The following BCO1 variants were observed in gnomAD, a reference collection of about 807,000 sequenced individuals.
The protein encoded by BCO1 is beta,beta-carotene 15,15'-dioxygenase.
Under a neutral mutation model 56.3 loss-of-function variants are expected in BCO1, and 54 were observed. The ratio of observed to expected loss-of-function variants is 0.96; its 90% CI spans 0.77 to 1.20. The LOEUF (loss-of-function observed/expected upper bound fraction) is 1.20, where lower values mean the gene tolerates loss of function less well. Ranked by LOEUF, BCO1 falls within the 50% of genes most tolerant of loss-of-function variation. The probability of loss-of-function intolerance (pLI) is 0.00; values close to 1 mark genes in which losing one functional copy is unlikely to be tolerated. For missense variants in BCO1, 801 were observed against 690.9 expected (o/e 1.16, Z -1.79); for synonymous variants, 318 against 266.1 (o/e 1.20, Z -1.90).
chr16:81,255,883 T>C (rs547396775), intron 2 of BCO1, among the ~76,000 whole-genome samples: 14 of 152,038 alleles, frequency 9.2e-5, no homozygotes, highest in African/African-American at 3.4e-4. Context: ...TGGACTTCAG[T>C]GGCACGATTT....
chr16:81,276,395 G>C (rs1239112363), intron 7 of BCO1, among the ~76,000 whole-genome samples: 2 of 152,166 alleles, frequency 1.3e-5, no homozygotes, highest in Non-Finnish European at 2.9e-5. Context: ...AGCTCCTGAA[G>C]GGCCCAGCCT....
intron 2 of BCO1, 53 bp downstream of exon 2, chr16:81,245,656 C>T: frequency 6.2e-7 from 1 of 1,610,986 alleles, no homozygotes; most frequent in Non-Finnish European, 8.5e-7. Flanking sequence ...ACCCCAAATG[C>T]AGTGCCTTAA....
rs755481903 is a variant in BCO1 at position 81,264,756 on chromosome 16, T to G, written c.588T>G (p.Tyr196Ter). ...TSIVEKGKTK[Y>*]VIFKIPATVP... ...TTGTGGAAAAGGGGAAGACAAAGTATGTGATTTTTAAGATCCCTGCCACAG... is the reference window on the plus strand; with the variant it reads ...TTGTGGAAAAGGGGAAGACAAAGTAGGTGATTTTTAAGATCCCTGCCACAG... The change falls in exon 5 of 11, where the codon TAT becomes TAG. Residue 196 changes from tyrosine to a stop codon, truncating the protein, a stop_gained. Transcript: ENST00000258168. LOFTEE classifies it high-confidence loss of function. 2 of 1,614,058 alleles carry G rather than the reference T, an allele frequency of 1.2e-6. No homozygotes were observed. Among genetic ancestry groups the G allele is most frequent in the African/African-American group, 2.7e-5 (2 of 74,920 alleles).
intron 8 of BCO1, among the ~76,000 whole-genome samples, chr16:81,284,141 T>G (rs1481753272): frequency 6.6e-6 from 1 of 151,322 alleles, no homozygotes; most frequent in African/African-American, 2.4e-5. Context: ...TGCAGTGAGT[T>G]GAGATTGAGC....
rs1904976171 is a variant in BCO1 at position 81,238,830 on chromosome 16, A to G, written c.-79A>G. On this transcript the variant is annotated 5_prime_UTR_variant, in exon 1 of 11. Transcript: ENST00000258168. ...CAGGAGAGCAGGAAGGAAACGCAGGAGGAGGGAGCAGCATCTCCTGTGAAC... is the reference window on the plus strand; with the variant it reads ...CAGGAGAGCAGGAAGGAAACGCAGGGGGAGGGAGCAGCATCTCCTGTGAAC... 21 of 1,229,454 alleles carry G rather than the reference A, an allele frequency of 1.7e-5. No individual in the cohort carries two copies. Among genetic ancestry groups the G allele is most frequent in the Non-Finnish European group, 2.2e-5 (18 of 830,112 alleles). The allele number at this position is 1,229,454 out of a possible 1,614,324, so 76.2% of individuals were successfully genotyped here.
At position 81,238,951 on chromosome 16, in the gene BCO1, C is replaced by T. The variant is rs1460850828; in HGVS notation, c.43C>T (p.Pro15Ser). The T allele has an allele frequency of 6.2e-7, 1 of 1,613,800 alleles. No individual in the cohort carries two copies. Among genetic ancestry groups the T allele is most frequent in the African/African-American group, 1.3e-5 (1 of 74,858 alleles). ...FGRNRKEQLEPVRAKVTGKIP... is the reference protein window; with the variant it reads ...FGRNRKEQLESVRAKVTGKIP... ...CAGGAATAGGAAAGAACAGCTGGAG[C>T]CTGTGAGGGCCAAAGTGACAGGTGA... Residue 15 changes from proline to serine, a missense_variant, in exon 1 of 11, where the codon CCT becomes TCT. Physicochemically the swap from Pro to Ser is moderately conservative, Grantham distance 74 (BLOSUM62 -1). Transcript: ENST00000258168.
chr16:81,262,666 A>G (rs1226196589), intron 4 of BCO1: 1 of 324,734 alleles, frequency 3.1e-6, no homozygotes, highest in Non-Finnish European at 6.0e-6. Flanking sequence ...CATCTCTACC[A>G]AAAATACAAA....
In BCO1 at chr16:81,268,054, G is replaced by C; in HGVS notation, c.766G>C (p.Asp256His). 2 of 1,613,492 alleles carry C rather than the reference G, an allele frequency of 1.2e-6. No homozygotes were observed. Among genetic ancestry groups the C allele is most frequent in the Non-Finnish European group, 1.7e-6 (2 of 1,180,012 alleles). Residue 256 changes from aspartate to histidine, a missense_variant, in exon 6 of 11, where the codon GAT becomes CAT. Transcript: ENST00000258168. ...VIFLEQPFRL[D>H]ILKMATAYIR... ...CTTCCTTGAGCAGCCTTTCAGGTTG[G>C]ATATTCTCAAGATGGCAACCGCATA...
intron 2 of BCO1, among the ~76,000 whole-genome samples, chr16:81,252,173 G>T (rs117187825): frequency 6.6e-6 from 1 of 152,066 alleles, no homozygotes; most frequent in East Asian, 1.9e-4. Context: ...TGGGCAGCCT[G>T]TTCACTACCC....
intron 10 of BCO1, among the ~76,000 whole-genome samples, chr16:81,288,626 G>A (rs1393956326): frequency 6.6e-6 from 1 of 152,186 alleles, no homozygotes; most frequent in Non-Finnish European, 1.5e-5. Context: ...AGAGCCGCTG[G>A]AAATGTGTAT....
intron 7 of BCO1, among the ~76,000 whole-genome samples, chr16:81,270,692 C>CTGTGTGTGTGTGTGTGTGTGTG (rs58969930): frequency 9.0e-5 from 13 of 143,694 alleles, no homozygotes; most frequent in Non-Finnish European, 1.4e-4. Flanking sequence ...CTCTCTGTGT[C>CTGTGTGTGTGTGTGTGTGTGTG]TGTGTGTGTG....
intron 7 of BCO1, among the ~76,000 whole-genome samples, chr16:81,277,863 C>T (rs1344825399): frequency 6.6e-6 from 1 of 152,092 alleles, no homozygotes. Flanking sequence ...TATTCCTCAA[C>T]CAGTCCGACC....
In BCO1 at chr16:81,267,979, C is replaced by G. The variant is rs145049631; in HGVS notation, c.691C>G (p.Leu231Val). The G allele has an allele frequency of 4.3e-6, 7 of 1,613,902 alleles. No individual in the cohort carries two copies. The highest frequency in any genetic ancestry group is 1.3e-5 in the African/African-American group (1 of 74,890). ...CTGCTCCATCCCATCCCGCTCCCTG[C>G]TCTCCCCAAGCTACTACCACAGCTT... ...VFCSIPSRSLLSPSYYHSFGV... is the reference protein window; with the variant it reads ...VFCSIPSRSLVSPSYYHSFGV... Residue 231 changes from leucine (L) to valine (V), a missense_variant, in exon 6 of 11, where the codon CTC becomes GTC. Physicochemically the swap from Leu to Val is conservative, Grantham distance 32 (BLOSUM62 1). Coordinates refer to ENST00000258168, the MANE Select transcript of BCO1 (RefSeq NM_017429.3).
chr16:81,267,873 G>C, intron 5 of BCO1, 35 bp from the exon 6 acceptor site: 1 of 1,598,626 alleles, frequency 6.3e-7, no homozygotes, highest in South Asian at 1.1e-5. Flanking sequence ...GCCAGATCCT[G>C]CACAATTCCT....
At chr16:81,272,163 G>C (rs1907266934) in intron 7 of BCO1, among the ~76,000 whole-genome samples, 3 of 145,598 alleles carry the variant, frequency 2.1e-5, no homozygotes, top group African/African-American at 7.7e-5. Context: ...GCCCAGGCTG[G>C]AGTGCAGTGG....
chr16:81,265,743 CCATCTA>C (rs1173860610), intron 5 of BCO1, among the ~76,000 whole-genome samples: 1 of 149,982 alleles, frequency 6.7e-6, no homozygotes, highest in African/African-American at 2.5e-5. Context: ...ATCCATTCAT[CCATCTA>C]CATGTTCTGC....
At chr16:81,257,427 G>C (rs1413046253) in intron 2 of BCO1, among the ~76,000 whole-genome samples, 1 of 151,818 alleles carries the variant, frequency 6.6e-6, no homozygotes, top group African/African-American at 2.4e-5. Flanking sequence ...ACCACACCCA[G>C]CTAATTTTTG....
chr16:81,278,461 A>G (rs1280935583), intron 7 of BCO1, among the ~76,000 whole-genome samples: 1 of 152,236 alleles, frequency 6.6e-6, no homozygotes, highest in Non-Finnish European at 1.5e-5. Context: ...CAGCCCAAAG[A>G]AAAGCTTATT....
rs574018713 is a variant in BCO1, at chr16:81,281,097, T to C, written c.1207+135T>C. ...AGGAAAGGGTCTTGGGATGCCCTGG[T>C]GAAAAGCATCTGGGGACATTTCTCT... On this transcript the variant is annotated intron_variant, in intron 8 of 10. Transcript: ENST00000258168. The C allele has an allele frequency of 1.2e-4, 87 of 700,542 alleles. No individual in the cohort carries two copies. The African/African-American group carries it at 1.3e-3, about 11-fold the overall frequency. 43.4% of individuals were successfully genotyped at this position (700,542 alleles called of 1,614,324 possible).
Sources: gnomAD v4.1 joint callset for allele counts (sites outside exome capture counted in the v4.1 genomes callset) on GRCh38, gnomAD v4.1.1 for gene constraint, MANE v1.5 for transcripts, NCBI Gene and HGNC (gene_info 2026-07-23, HGNC 2026-07-21) for gene names.